Variants in TBC1D5 observed in about 807,000 individuals in gnomAD.
TBC1D5 encodes TBC1 domain family member 5, also known as TBC1 domain family, member 5.
A neutral mutation model predicts 100.3 loss-of-function variants in TBC1D5; 75 were observed. That is an observed-to-expected ratio of 0.75 (90% confidence interval 0.62 to 0.91). The LOEUF is 0.91. TBC1D5 is among the 40% of genes least tolerant of loss of function. The pLI is 0.00. For synonymous variants in TBC1D5, 323 were observed against 325.6 expected, an observed-to-expected ratio of 0.99 and a Z score of 0.09; for missense variants, 910 against 942.4, an observed-to-expected ratio of 0.97 and a Z score of 0.45.
intron 1 of TBC1D5, among the ~76,000 whole-genome samples, chr3:17,697,682 A>G (rs1444878802): frequency 6.6e-6 from 1 of 152,240 alleles, no homozygotes; most frequent in East Asian, 1.9e-4. Flanking sequence ...CATACTGCCC[A>G]AGGTAATTTA....
chr3:17,410,761 C>T (rs2093902014), intron 4 of TBC1D5, among the ~76,000 whole-genome samples: 1 of 152,114 alleles, frequency 6.6e-6, no homozygotes, highest in Admixed American at 6.6e-5. Flanking sequence ...TGTGACTTAA[C>T]TGCTATAATC....
intron 2 of TBC1D5, among the ~76,000 whole-genome samples, chr3:17,577,574 T>C (rs1256107054): frequency 6.6e-6 from 1 of 151,918 alleles, no homozygotes; most frequent in Non-Finnish European, 1.5e-5. Flanking sequence ...ATGAATCTTT[T>C]CCTGCCATTC....
chr3:17,556,979 A>G (rs903471535), intron 2 of TBC1D5, among the ~76,000 whole-genome samples: 6 of 152,308 alleles, frequency 3.9e-5, no homozygotes, highest in Middle Eastern at 3.4e-3. Context: ...GCAAATTTAC[A>G]TTTTTATATT....
rs565377480 is a variant in TBC1D5 at position 17,167,786 on chromosome 3, T to C, written c.1895A>G (p.Glu632Gly). The C allele has an allele frequency of 6.2e-6, 10 of 1,612,296 alleles. No homozygotes were observed. The East Asian group carries it at 8.9e-5, about 14-fold the overall frequency. Reference sequence around the variant, plus strand: ...TGCCAGGGAAACCAGAATTTGATCTTCTTTTTCCAAATTTTCTTGTAATAT... The same window carrying C: ...TGCCAGGGAAACCAGAATTTGATCTCCTTTTTCCAAATTTTCTTGTAATAT... Residue 632 changes from glutamate to glycine, a missense_variant, in exon 20 of 22, where the codon GAA becomes GGA. By Grantham distance (98) the Glu-to-Gly change is moderately conservative. Coordinates refer to ENST00000253692, the Ensembl canonical transcript of TBC1D5.
chr3:17,261,117 T>C (rs1050585001), intron 15 of TBC1D5, among the ~76,000 whole-genome samples: 24 of 152,236 alleles, frequency 1.6e-4, no homozygotes, highest in African/African-American at 5.8e-4. Context: ...AGGATACCAA[T>C]ATTTTTATAC....
chr3:17,481,020 C>G (rs937243090), intron 3 of TBC1D5, among the ~76,000 whole-genome samples: 39 of 152,318 alleles, frequency 2.6e-4, no homozygotes, highest in African/African-American at 9.4e-4. Flanking sequence ...TAGGGCCCTT[C>G]AGGGACCCTA....
intron 1 of TBC1D5, among the ~76,000 whole-genome samples, chr3:17,705,487 C>T (rs1422339801): frequency 6.7e-6 from 1 of 149,628 alleles, no homozygotes; most frequent in Non-Finnish European, 1.5e-5. Context: ...CCTCACTTCT[C>T]AGACGGGGTG....
At chr3:17,360,815 T>C (rs1018712682) in intron 13 of TBC1D5, among the ~76,000 whole-genome samples, 8 of 152,014 alleles carry the variant, frequency 5.3e-5, no homozygotes, top group Admixed American at 3.9e-4. Context: ...CATTAGAAGG[T>C]AAATACTTTG....
chr3:17,239,720 A>G (rs890740234), intron 16 of TBC1D5, among the ~76,000 whole-genome samples: 1 of 152,060 alleles, frequency 6.6e-6, no homozygotes, highest in Non-Finnish European at 1.5e-5. Flanking sequence ...CACCTGTATT[A>G]TAACTGTGCC....
intron 18 of TBC1D5, among the ~76,000 whole-genome samples, chr3:17,210,685 TG>T (rs2072875452): frequency 6.6e-6 from 1 of 152,216 alleles, no homozygotes; most frequent in South Asian, 2.1e-4. Context: ...TTTTCTTGTG[TG>T]GGTCAGTCTA....
intron 4 of TBC1D5, among the ~76,000 whole-genome samples, chr3:17,422,167 G>A (rs1356576579): frequency 6.6e-6 from 1 of 151,772 alleles, no homozygotes; most frequent in East Asian, 1.9e-4. Context: ...TGGTTTTTGG[G>A]ATTTTTTTGT....
intron 2 of TBC1D5, among the ~76,000 whole-genome samples, chr3:17,569,497 C>T (rs956492042): frequency 6.6e-6 from 1 of 151,234 alleles, no homozygotes; most frequent in Non-Finnish European, 1.5e-5. Flanking sequence ...TATGTTTAGC[C>T]CATGAGGCAT....
intron 14 of TBC1D5, among the ~76,000 whole-genome samples, chr3:17,303,940 T>C (rs2083135334): frequency 2.0e-5 from 3 of 151,246 alleles, no homozygotes. Context: ...GGCTCTTAAT[T>C]AGCTATCTTT....
chr3:17,350,433 T>C (rs889066216), intron 13 of TBC1D5, among the ~76,000 whole-genome samples: 2 of 152,210 alleles, frequency 1.3e-5, no homozygotes, highest in African/African-American at 4.8e-5. Flanking sequence ...AGCTGCTTTT[T>C]TGTTATTCAG....
At chr3:17,659,745 G>A (rs1286048793) in intron 1 of TBC1D5, among the ~76,000 whole-genome samples, 1 of 152,068 alleles carries the variant, frequency 6.6e-6, no homozygotes, top group Non-Finnish European at 1.5e-5. Flanking sequence ...AATATTACCT[G>A]AGGAATTTTT....
chr3:17,559,806 G>C (rs1034709639), intron 2 of TBC1D5, among the ~76,000 whole-genome samples: 8 of 152,030 alleles, frequency 5.3e-5, no homozygotes, highest in Non-Finnish European at 7.4e-5. Context: ...GGCCAGGCTG[G>C]TCTCGAACTC....
At chr3:17,346,511 T>G (rs1327844207) in intron 13 of TBC1D5, among the ~76,000 whole-genome samples, 1 of 152,208 alleles carries the variant, frequency 6.6e-6, no homozygotes, top group Non-Finnish European at 1.5e-5. Context: ...GCCATATACT[T>G]GTAAACATTT....
intron 4 of TBC1D5, among the ~76,000 whole-genome samples, chr3:17,407,328 C>A (rs1481872427): frequency 6.6e-6 from 1 of 152,244 alleles, no homozygotes; most frequent in East Asian, 1.9e-4. Context: ...GACCTATATT[C>A]CCTGCATCTT....
At chr3:17,460,091 C>T (rs1356138469) in intron 3 of TBC1D5, among the ~76,000 whole-genome samples, 1 of 152,194 alleles carries the variant, frequency 6.6e-6, no homozygotes, top group Non-Finnish European at 1.5e-5. Context: ...TCACTGGAGT[C>T]AGGTACTTCA....
Sources: gnomAD v4.1 joint callset for allele counts (sites outside exome capture counted in the v4.1 genomes callset) on GRCh38, gnomAD v4.1.1 for gene constraint, MANE v1.5 for transcripts, NCBI Gene and HGNC (gene_info 2026-07-23, HGNC 2026-07-21) for gene names.